Variants in SLC49A4 observed in about 807,000 individuals in gnomAD.
SLC49A4 encodes the protein disrupted in renal cancer protein 2.
A neutral mutation model predicts 50.6 loss-of-function variants in SLC49A4; 36 were observed. That is an observed-to-expected ratio of 0.71 (90% confidence interval 0.55 to 0.94). The LOEUF (loss-of-function observed/expected upper bound fraction) is 0.94. Ranked by LOEUF, SLC49A4 falls within the 40% of genes least tolerant of loss-of-function variation. SLC49A4 has a pLI of 0.00. For synonymous variants in SLC49A4, 248 were observed against 241.2 expected (o/e 1.03, Z -0.26); for missense variants, 503 against 605.7 (o/e 0.83, Z 1.78).
chr3:122,824,701 C>T (rs1273481805), intron 2 of SLC49A4, among the ~76,000 whole-genome samples: 1 of 140,052 alleles, frequency 7.1e-6, no homozygotes. Context: ...TTCCTTTCTT[C>T]CTTTCCTTTC....
chr3:122,834,753 A>T (rs1247283131), intron 4 of SLC49A4, among the ~76,000 whole-genome samples: 1 of 152,130 alleles, frequency 6.6e-6, no homozygotes, highest in South Asian at 2.1e-4. Context: ...AATACAAAAG[A>T]TCAATAAAAC....
chr3:122,806,764 A>C, intron 1 of SLC49A4, 93 bp from the exon 2 acceptor site: 1 of 760,870 alleles, frequency 1.3e-6, no homozygotes, highest in Non-Finnish European at 2.3e-6. Context: ...ATTAGCATAT[A>C]ATGTCAGTAT....
chr3:122,879,468 G>A lies in SLC49A4; in HGVS notation c.*90G>A, dbSNP rs868355529. Reference sequence around the variant, plus strand: ...CAGAATTGCACATCTAACAGGAAAAGAGGGAGAAGAAAGAAACTTCATTCA... The same window carrying A: ...CAGAATTGCACATCTAACAGGAAAAAAGGGAGAAGAAAGAAACTTCATTCA... On this transcript the variant is annotated 3_prime_UTR_variant, in exon 9 of 9. Transcript: ENST00000261038. The A allele has an allele frequency of 6.1e-5, 58 of 950,404 alleles. No individual in the cohort carries two copies. The highest frequency in any genetic ancestry group is 5.3e-4 in the Middle Eastern group (2 of 3,790). 58.9% of individuals were successfully genotyped at this position (950,404 alleles called of 1,614,324 possible).
At chr3:122,856,211 G>T in intron 5 of SLC49A4, 96 bp from the exon 6 acceptor site, 1 of 1,051,464 alleles carries the variant, frequency 9.5e-7, no homozygotes, top group Non-Finnish European at 1.4e-6. Flanking sequence ...CATCCATTTA[G>T]CTACTAACAT....
At chr3:122,808,877 G>C (rs1232421211) in intron 2 of SLC49A4, among the ~76,000 whole-genome samples, 1 of 152,122 alleles carries the variant, frequency 6.6e-6, no homozygotes, top group Non-Finnish European at 1.5e-5. Context: ...ATTATATTCT[G>C]GTCCATTTGC....
chr3:122,854,293 T>C (rs1040121701), intron 5 of SLC49A4, among the ~76,000 whole-genome samples: 2 of 152,218 alleles, frequency 1.3e-5, no homozygotes, highest in Admixed American at 6.5e-5. Flanking sequence ...CAAACACCAA[T>C]AGAGCAAAAG....
intron 7 of SLC49A4, among the ~76,000 whole-genome samples, chr3:122,861,802 C>G (rs1560235110): frequency 6.6e-6 from 1 of 152,220 alleles, no homozygotes; most frequent in Non-Finnish European, 1.5e-5. Context: ...AACCTCTGCA[C>G]CAAGCCAGCC....
At chr3:122,849,777 G>T (rs1380346567) in intron 5 of SLC49A4, among the ~76,000 whole-genome samples, 1 of 151,970 alleles carries the variant, frequency 6.6e-6, no homozygotes, top group Admixed American at 6.5e-5. Context: ...CATTCTGTAA[G>T]TTGTCTCTTC....
chr3:122,806,479 G>C (rs1363129184), intron 1 of SLC49A4, among the ~76,000 whole-genome samples: 1 of 152,088 alleles, frequency 6.6e-6, no homozygotes, highest in Non-Finnish European at 1.5e-5. Flanking sequence ...CCAGGTTCAA[G>C]CAATTCTCAT....
At chr3:122,797,141 A>G (rs1448913518) in intron 1 of SLC49A4, among the ~76,000 whole-genome samples, 1 of 152,184 alleles carries the variant, frequency 6.6e-6, no homozygotes, top group Admixed American at 6.5e-5. Context: ...CTTAATGATC[A>G]ACAATATAAT....
chr3:122,795,216 AGAG>A lies in SLC49A4; in HGVS notation c.28_30del (p.Glu10del). On this transcript the variant is annotated inframe_deletion, in exon 1 of 9. Coordinates refer to ENST00000261038, the MANE Select transcript of SLC49A4 (RefSeq NM_032839.3). ...CCATGGGCTCTCGCTGGAGCAGCGA[AGAG>A]GAGAGGCAGCCGCTGCTGGGGCCCG... The A allele has an allele frequency of 7.5e-7, 1 of 1,335,110 alleles. No individual in the cohort carries two copies. The highest frequency in any genetic ancestry group is 9.5e-7 in the Non-Finnish European group (1 of 1,052,640). 82.7% of individuals were successfully genotyped at this position (1,335,110 alleles called of 1,614,324 possible).
chr3:122,872,598 G>A lies in SLC49A4; in HGVS notation c.1321+1G>A. The A allele has an allele frequency of 1.3e-6, 2 of 1,567,258 alleles. No homozygotes were observed. Among genetic ancestry groups the A allele is most frequent in the Non-Finnish European group, 1.7e-6 (2 of 1,152,796 alleles). On this transcript the variant is annotated splice_donor_variant, in intron 8 of 8. Coordinates refer to ENST00000261038, the MANE Select transcript of SLC49A4 (RefSeq NM_032839.3). LOFTEE classifies it high-confidence loss of function. ...TTTTTTCTCACATTTTATCATACAG[G>A]TAAGAAATTTGATTTTTTATTTACT...
intron 2 of SLC49A4, among the ~76,000 whole-genome samples, chr3:122,822,339 T>C (rs952844479): frequency 4.6e-5 from 7 of 152,214 alleles, no homozygotes; most frequent in African/African-American, 1.7e-4. Context: ...TCTTTTAATG[T>C]GTGAAAGTGG....
In SLC49A4 at chr3:122,806,936, A is replaced by C. The variant is rs753390550; in HGVS notation, c.423A>C (p.Leu141Phe). ...TGLRCIPISD[L>F]ILKRRLIHGG... ...TAAGATGCATACCTATATCAGACTT[A>C]ATCCTTAAAAGAAGGTAAATCCTGT... Residue 141 changes from leucine (L) to phenylalanine (F), a missense_variant, in exon 2 of 9, where the codon TTA (leucine) becomes TTC (phenylalanine). By Grantham distance (22) the Leu-to-Phe change is conservative. Coordinates refer to ENST00000261038, the MANE Select transcript of SLC49A4 (RefSeq NM_032839.3). The C allele has an allele frequency of 1.3e-6, 2 of 1,587,240 alleles. No homozygotes were observed. Among genetic ancestry groups the C allele is most frequent in the African/African-American group, 2.7e-5 (2 of 74,260 alleles).
intron 1 of SLC49A4, among the ~76,000 whole-genome samples, chr3:122,795,764 C>T (rs1332547683): frequency 6.6e-6 from 1 of 152,218 alleles, no homozygotes; most frequent in Non-Finnish European, 1.5e-5. Context: ...GCCCTTTATG[C>T]AACACCAGGG....
intron 4 of SLC49A4, among the ~76,000 whole-genome samples, chr3:122,834,762 A>G (rs1486491041): frequency 4.6e-5 from 7 of 152,112 alleles, no homozygotes; most frequent in Non-Finnish European, 7.4e-5. Flanking sequence ...GATCAATAAA[A>G]CAAAAAGTTG....
intron 7 of SLC49A4, among the ~76,000 whole-genome samples, chr3:122,860,509 A>G (rs1442456645): frequency 1.3e-5 from 2 of 152,240 alleles, no homozygotes; most frequent in African/African-American, 4.8e-5. Flanking sequence ...TATCTTGGTT[A>G]TAGTCATTAT....
rs141683846 is a variant in SLC49A4, at chr3:122,803,787, C to T, written c.344-3070C>T. Among the ~76,000 whole-genome samples, 290 of 152,306 alleles carry T rather than the reference C, an allele frequency of 1.9e-3. 1 individual carries two copies. The highest frequency in any genetic ancestry group is 6.6e-3 in the African/African-American group (276 of 41,562). On this transcript the variant is annotated intron_variant, in intron 1 of 8. Transcript: ENST00000261038. ...TCTGCTGTGGAGATTTCCATTCCTA[C>T]ACTCAATGGGTCCCCAGCAAAAGGA...
Position 122,826,974 on chromosome 3 carries a change from T to C in SLC49A4, c.612T>C (p.Val204=). The part of the protein sequence containing the change: ...GACAFLVGPL[V]VPAPNGTSPL... The stretch of plus-strand genomic sequence containing the variant: ...GTGCATTTTTAGTTGGACCACTTGT[T>C]GTTCCAGCTCCCAATGGGACATCAC... Residue 204 remains valine (V), a synonymous_variant, in exon 3 of 9, where the codon GTT becomes GTC. Coordinates refer to ENST00000261038, the MANE Select transcript of SLC49A4 (RefSeq NM_032839.3). The C allele has an allele frequency of 2.5e-6, 4 of 1,614,236 alleles. No homozygotes were observed. Among genetic ancestry groups the C allele is most frequent in the Non-Finnish European group, 3.4e-6 (4 of 1,180,038 alleles).
Sources: allele counts gnomAD v4.1 joint callset (sites outside exome capture counted in the v4.1 genomes callset), GRCh38; gene constraint gnomAD v4.1.1; transcripts MANE v1.5; gene names NCBI Gene and HGNC (gene_info 2026-07-23, HGNC 2026-07-21).